KCNK2: variants seen among roughly 807,000 people sequenced by gnomAD.
KCNK2 encodes potassium channel subfamily K member 2.
Under a neutral mutation model 40.5 loss-of-function variants are expected in KCNK2, and 21 were observed. That is an observed-to-expected ratio of 0.52 (90% confidence interval 0.37 to 0.75). The LOEUF (loss-of-function observed/expected upper bound fraction) is 0.75, where lower values mean the gene tolerates loss of function less well. Ranked by LOEUF, KCNK2 falls within the 30% of genes least tolerant of loss-of-function variation. KCNK2 has a pLI of 0.00. For missense variants in KCNK2, 399 were observed against 531.6 expected (o/e 0.75, Z 2.45); for synonymous variants, 191 against 202.2 (o/e 0.94, Z 0.47).
chr1:215,113,299 G>A (rs191298651), intron 2 of KCNK2, among the ~76,000 whole-genome samples: 6 of 152,212 alleles, frequency 3.9e-5, no homozygotes, highest in Admixed American at 1.3e-4. Flanking sequence ...CTATATGCAA[G>A]GTGAGGCAAC....
At chr1:215,120,950 AT>A (rs1176948609) in intron 2 of KCNK2, among the ~76,000 whole-genome samples, 1 of 152,108 alleles carries the variant, frequency 6.6e-6, no homozygotes, top group Non-Finnish European at 1.5e-5. Flanking sequence ...ATTTAATTAA[AT>A]GCCATTTTCT....
chr1:215,039,663 AT>A lies in KCNK2; in HGVS notation c.34+33715del, dbSNP rs1558065637. On this transcript the variant is annotated intron_variant, in intron 1 of 6. Coordinates refer to the KCNK2 transcript ENST00000391895. ...ACATTATCCTCAGAAACCAAACACAATTTTTTTAATGGACGATTTAAATATT... is the reference window on the plus strand; with the variant it reads ...ACATTATCCTCAGAAACCAAACACAATTTTTTAATGGACGATTTAAATATT... Among the ~76,000 whole-genome samples, 2 of 152,070 alleles carry A rather than the reference AT, an allele frequency of 1.3e-5. 1 individual carries two copies. The highest frequency in any genetic ancestry group is 3.9e-4 in the East Asian group (2 of 5,184).
chr1:215,070,706 A>G (rs777775385), intron 1 of KCNK2, among the ~76,000 whole-genome samples: 4 of 152,188 alleles, frequency 2.6e-5, no homozygotes, highest in African/African-American at 4.8e-5. Context: ...TATGAGAGCT[A>G]CGGTTCAAGA....
chr1:215,145,393 A>C (rs1357749473), intron 3 of KCNK2, among the ~76,000 whole-genome samples: 1 of 152,196 alleles, frequency 6.6e-6, no homozygotes, highest in Admixed American at 6.5e-5. Flanking sequence ...TGGGCTCTAG[A>C]GCCTGAAGTC....
At chr1:215,108,479 C>A (rs189603414) in intron 2 of KCNK2, among the ~76,000 whole-genome samples, 1 of 152,002 alleles carries the variant, frequency 6.6e-6, no homozygotes, top group Non-Finnish European at 1.5e-5. Flanking sequence ...TTCATTCTGC[C>A]GATTGTTCCT....
At chr1:215,215,361 T>C (rs1665921126) in intron 6 of KCNK2, among the ~76,000 whole-genome samples, 1 of 152,056 alleles carries the variant, frequency 6.6e-6, no homozygotes, top group Non-Finnish European at 1.5e-5. Context: ...CTTCATAAAA[T>C]AACTAGACCA....
chr1:215,219,061 G>A (rs977873761), intron 6 of KCNK2, among the ~76,000 whole-genome samples: 2 of 152,130 alleles, frequency 1.3e-5, no homozygotes, highest in African/African-American at 4.8e-5. Context: ...GCTTCGTCAT[G>A]CAGTTTATTT....
intron 1 of KCNK2, among the ~76,000 whole-genome samples, chr1:215,036,392 T>C (rs1006044140): frequency 5.3e-5 from 8 of 151,994 alleles, no homozygotes; most frequent in African/African-American, 1.9e-4. Context: ...GTTCCATTGA[T>C]CTATTTTTCT....
intron 2 of KCNK2, among the ~76,000 whole-genome samples, chr1:215,089,386 T>C (rs1038958715): frequency 6.6e-6 from 1 of 152,198 alleles, no homozygotes; most frequent in African/African-American, 2.4e-5. Flanking sequence ...GAAGAAATTC[T>C]GCTACATATT....
intron 1 of KCNK2, among the ~76,000 whole-genome samples, chr1:215,020,037 C>A (rs911786061): frequency 6.6e-6 from 1 of 152,106 alleles, no homozygotes; most frequent in Non-Finnish European, 1.5e-5. Context: ...TAGATCTATT[C>A]ATCAAAGTTC....
chr1:215,015,177 T>C (rs1267820769), intron 1 of KCNK2, among the ~76,000 whole-genome samples: 3 of 152,162 alleles, frequency 2.0e-5, no homozygotes, highest in African/African-American at 7.2e-5. Context: ...CTTTCCAATT[T>C]CTCTCTTATC....
chr1:215,066,286 T>C (rs1285679854), intron 1 of KCNK2, among the ~76,000 whole-genome samples: 1 of 152,096 alleles, frequency 6.6e-6, no homozygotes, highest in Non-Finnish European at 1.5e-5. Context: ...TAACTGATAT[T>C]CAATAATTTC....
At chr1:215,228,335 A>G (rs1476696927) in intron 6 of KCNK2, among the ~76,000 whole-genome samples, 1 of 152,166 alleles carries the variant, frequency 6.6e-6, no homozygotes, top group African/African-American at 2.4e-5. Flanking sequence ...GAGCAGTGCC[A>G]TTTGCAGCTG....
At chr1:215,075,250 T>A (rs1658886912) in intron 1 of KCNK2, among the ~76,000 whole-genome samples, 1 of 152,254 alleles carries the variant, frequency 6.6e-6, no homozygotes, top group Non-Finnish European at 1.5e-5. Flanking sequence ...TAAGCAAATA[T>A]GCAAAGCTGT....
chr1:215,014,639 T>C (rs939281818), intron 1 of KCNK2, among the ~76,000 whole-genome samples: 1 of 152,080 alleles, frequency 6.6e-6, no homozygotes, highest in African/African-American at 2.4e-5. Context: ...TTGTTTATCA[T>C]GCTAATCCAA....
intron 3 of KCNK2, among the ~76,000 whole-genome samples, chr1:215,155,704 A>G (rs1304244098): frequency 6.6e-6 from 1 of 152,080 alleles, no homozygotes; most frequent in Non-Finnish European, 1.5e-5. Flanking sequence ...ATTTTTTAGT[A>G]AAGATGGGGT....
intron 1 of KCNK2, among the ~76,000 whole-genome samples, chr1:215,040,845 G>C (rs552950308): frequency 1.9e-4 from 29 of 152,276 alleles, no homozygotes; most frequent in African/African-American, 7.0e-4. Flanking sequence ...ACATTTGACA[G>C]GACACCACTG....
At chr1:215,093,776 ATTATATATTATATATTATATAATAT>A (rs1659830647) in intron 2 of KCNK2, among the ~76,000 whole-genome samples, 3 of 14,422 alleles carry the variant, frequency 2.1e-4, no homozygotes, top group Admixed American at 1.2e-3. Flanking sequence ...TATAAAATAT[ATTATATATTATATATTATATAATAT>A]AAAATATATT....
At chr1:215,021,934 T>G (rs1254052487) in intron 1 of KCNK2, among the ~76,000 whole-genome samples, 1 of 152,122 alleles carries the variant, frequency 6.6e-6, no homozygotes, top group Non-Finnish European at 1.5e-5. Context: ...GTACTCAGTT[T>G]CTTAGGCCTC....
Sources: allele counts gnomAD v4.1 joint callset (sites outside exome capture counted in the v4.1 genomes callset), GRCh38; gene constraint gnomAD v4.1.1; transcripts MANE v1.5; gene names NCBI Gene and HGNC (gene_info 2026-07-23, HGNC 2026-07-21).